The following SLC41A3 variants were observed in gnomAD, a reference collection of about 807,000 sequenced individuals.
The protein encoded by SLC41A3 is SLC41A1-like 2.
Under a neutral mutation model 45.4 loss-of-function variants are expected in SLC41A3, and 44 were observed. That is an observed-to-expected ratio of 0.97 (90% confidence interval 0.76 to 1.25). The LOEUF is 1.25. Ranked by LOEUF, SLC41A3 falls within the 50% of genes most tolerant of loss-of-function variation. The pLI is 0.00. For synonymous variants in SLC41A3, 256 were observed against 252.4 expected, an observed-to-expected ratio of 1.01 and a Z score of -0.13; for missense variants, 550 against 600.6, an observed-to-expected ratio of 0.92 and a Z score of 0.88.
At chr3:126,082,906 C>T (rs1945234446) in intron 1 of SLC41A3, among the ~76,000 whole-genome samples, 1 of 152,228 alleles carries the variant, frequency 6.6e-6, no homozygotes, top group South Asian at 2.1e-4. Flanking sequence ...CCCCTCCCCA[C>T]CTTCACAGGG....
intron 2 of SLC41A3, among the ~76,000 whole-genome samples, chr3:126,064,316 TCA>T (rs1944240279): frequency 2.6e-5 from 4 of 152,078 alleles, no homozygotes; most frequent in Admixed American, 2.6e-4. Flanking sequence ...GGAGCACGCT[TCA>T]GTTTCTGCCA....
chr3:126,084,030 C>A (rs567731851), intron 1 of SLC41A3, 63 bp downstream of exon 1: 2 of 152,002 alleles, frequency 1.3e-5, no homozygotes, highest in Admixed American at 1.3e-4. Flanking sequence ...TCCCCGACCC[C>A]CCTTGGGCCC....
At chr3:126,086,408 G>GGT (rs776330275), upstream of SLC41A3, among the ~76,000 whole-genome samples, 712 of 21,130 alleles carry the variant, frequency 0.034, 23 homozygotes, top group Non-Finnish European at 0.056. Context: ...TTGTTTTCTT[G>GGT]TTTTTTTTTT....
chr3:126,020,485 T>C (rs919338692), intron 6 of SLC41A3, among the ~76,000 whole-genome samples: 6 of 152,092 alleles, frequency 3.9e-5, no homozygotes, highest in African/African-American at 1.4e-4. Flanking sequence ...AGGCTAAAAA[T>C]TTTCCCAATT....
chr3:126,046,374 C>CAA (rs1253126640), intron 3 of SLC41A3, among the ~76,000 whole-genome samples: 1 of 151,930 alleles, frequency 6.6e-6, no homozygotes, highest in Non-Finnish European at 1.5e-5. Flanking sequence ...CACACACACA[C>CAA]ACACACAAAT....
intron 2 of SLC41A3, among the ~76,000 whole-genome samples, chr3:126,057,427 C>G (rs1453604339): frequency 6.6e-6 from 1 of 152,220 alleles, no homozygotes; most frequent in African/African-American, 2.4e-5. Context: ...GGTGTGTCCT[C>G]TGCGCATTCC....
At chr3:126,028,776 C>T (rs1941570572) in intron 4 of SLC41A3, among the ~76,000 whole-genome samples, 1 of 152,274 alleles carries the variant, frequency 6.6e-6, no homozygotes, top group Non-Finnish European at 1.5e-5. Context: ...TGCAAAGCCA[C>T]AGAGGCAGAG....
At chr3:126,061,153 A>AC (rs1944044917) in intron 2 of SLC41A3, among the ~76,000 whole-genome samples, 1 of 152,050 alleles carries the variant, frequency 6.6e-6, no homozygotes, top group South Asian at 2.1e-4. Context: ...GGTCACCTTG[A>AC]CCCTCGGCAG....
chr3:126,067,912 G>A, intron 2 of SLC41A3, 35 bp downstream of exon 2: 1 of 1,546,140 alleles, frequency 6.5e-7, no homozygotes, highest in Non-Finnish European at 8.7e-7. Flanking sequence ...GTTCGGCAGT[G>A]CCCCGCTCCC....
intron 1 of SLC41A3, among the ~76,000 whole-genome samples, chr3:126,099,237 G>A (rs1576393819): frequency 6.6e-6 from 1 of 152,174 alleles, no homozygotes; most frequent in South Asian, 2.1e-4. Flanking sequence ...CTGAATTCAA[G>A]TTAGTGCTCC....
rs575748223 is a variant in SLC41A3, at chr3:126,021,137, G to A, written c.745+1649C>T. 7.6e-4 allele frequency among the ~76,000 whole-genome samples: 116 copies of A among 152,134 alleles called. 1 individual carries two copies. Among genetic ancestry groups the A allele is most frequent in the South Asian group, 6.2e-3 (30 of 4,806 alleles). On this transcript the variant is annotated intron_variant, in intron 6 of 10. Transcript: ENST00000360370. ...TCTTGATCTCCTGACCTCGTGATCC[G>A]CCCGCCTTGGCCTCCCAAAGTGCTG...
chr3:126,026,245 C>G lies in SLC41A3; in HGVS notation c.598+90G>C, dbSNP rs977800978. On this transcript the variant is annotated intron_variant, in intron 5 of 10. Coordinates refer to ENST00000360370, the MANE Select transcript of SLC41A3 (RefSeq NM_017836.4). This position sits in a 1 kb window ranked among gnomAD's most constrained non-coding sequence, Gnocchi z 4.2. ...AGTCCCATTAGCAGTGGGACTCACA[C>G]CCCCAGAAACTGAAAACACAATGAG... 1.3e-6 allele frequency: 2 copies of G among 1,501,926 alleles called. No individual in the cohort carries two copies. Among genetic ancestry groups the G allele is most frequent in the Non-Finnish European group, 1.8e-6 (2 of 1,118,148 alleles). The allele number at this position is 1,501,926 out of a possible 1,614,324, so 93.0% of individuals were successfully genotyped here.
At chr3:126,065,037 A>G (rs766992915) in intron 2 of SLC41A3, among the ~76,000 whole-genome samples, 1 of 152,258 alleles carries the variant, frequency 6.6e-6, no homozygotes, top group Non-Finnish European at 1.5e-5. Flanking sequence ...AGTGGCCTCG[A>G]GAAGTGAAGT....
At chr3:126,066,630 TTCAG>T (rs1423030480) in intron 2 of SLC41A3, among the ~76,000 whole-genome samples, 1 of 151,914 alleles carries the variant, frequency 6.6e-6, no homozygotes, top group Non-Finnish European at 1.5e-5. Context: ...TATGCGGGAG[TTCAG>T]TCAGAGTAGT....
chr3:126,035,433 G>A (rs534678972), intron 3 of SLC41A3, among the ~76,000 whole-genome samples: 6 of 152,172 alleles, frequency 3.9e-5, no homozygotes, highest in South Asian at 2.1e-4. Context: ...CAGGAGCTGC[G>A]GGTTTGGGTG....
Position 126,027,794 on chromosome 3 carries a change from T to A in SLC41A3, c.454-1315A>T, listed in dbSNP as rs986451400. Among the ~76,000 whole-genome samples the A allele has an allele frequency of 2.6e-5, 4 of 152,330 alleles. No homozygotes were observed. The South Asian group carries it at 8.3e-4, about 32-fold the overall frequency. On this transcript the variant is annotated intron_variant, in intron 4 of 10. Transcript: ENST00000360370. ...AGGCTGATGAGGTCTCAGATGGAGA[T>A]GAGGATCTTTTCGGAAACTGGAGCA...
intron 2 of SLC41A3, among the ~76,000 whole-genome samples, chr3:126,064,309 G>A (rs1315177437): frequency 6.6e-6 from 1 of 152,058 alleles, no homozygotes; most frequent in African/African-American, 2.4e-5. Context: ...TCCCCGAGGA[G>A]CACGCTTCAG....
At chr3:126,014,278 A>T (rs967673061) in intron 8 of SLC41A3, among the ~76,000 whole-genome samples, 1 of 152,122 alleles carries the variant, frequency 6.6e-6, no homozygotes, top group African/African-American at 2.4e-5. Flanking sequence ...AAAGGAAAAA[A>T]AAACCTCAAA....
At chr3:126,095,518 A>C (rs1296971415) in intron 1 of SLC41A3, among the ~76,000 whole-genome samples, 2 of 152,236 alleles carry the variant, frequency 1.3e-5, no homozygotes, top group African/African-American at 4.8e-5. Flanking sequence ...CACAGAGAAC[A>C]ATTATACTTA....
Sources: allele counts gnomAD v4.1 joint callset (sites outside exome capture counted in the v4.1 genomes callset), GRCh38; gene constraint gnomAD v4.1.1; non-coding constraint Gnocchi (gnomAD v3.1); transcripts MANE v1.5; gene names NCBI Gene and HGNC (gene_info 2026-07-23, HGNC 2026-07-21).